Variants in CELF3 observed in about 807,000 individuals in gnomAD.
CELF3 encodes CUGBP Elav-like family member 3.
A neutral mutation model predicts 59.6 loss-of-function variants in CELF3; 26 were observed. That is an observed-to-expected ratio of 0.44 (90% CI 0.32 to 0.61). The LOEUF is 0.61. CELF3 is among the 20% of genes least tolerant of loss of function. The pLI is 0.06. For synonymous variants in CELF3, 245 were observed against 250.7 expected (o/e 0.98, Z 0.22); for missense variants, 387 against 627.2 (o/e 0.62, Z 4.09).
rs778068210 is a variant in CELF3, at chr1:151,709,714, G to A, written c.277+29C>T. On this transcript the variant is annotated intron_variant, in intron 3 of 12. Transcript: ENST00000290583. The surrounding 1 kb of genome is among the most constrained non-coding windows in gnomAD (Gnocchi z 4.9). ...CCCTGGGCCTGGGGGTGGGAGGAGA[G>A]GGACAGAGTCCAAAGGCACAGAACC... is the stretch of plus-strand genomic sequence containing the variant. 2 of 1,611,378 alleles carry A rather than the reference G, an allele frequency of 1.2e-6. No individual in the cohort carries two copies. Among genetic ancestry groups the A allele is most frequent in the Admixed American group, 1.7e-5 (1 of 60,014 alleles).
At chr1:151,715,596 T>C in intron 1 of CELF3, 1 of 1,421,556 alleles carries the variant, frequency 7.0e-7, no homozygotes, top group Non-Finnish European at 9.3e-7. Context: ...CTTTCTTGAG[T>C]TCATCCCATG....
intron 12 of CELF3, 146 bp downstream of exon 12, chr1:151,704,884 GC>G (rs1298491961): frequency 2.6e-6 from 2 of 765,982 alleles, no homozygotes; most frequent in South Asian, 2.1e-5. Context: ...AGCTGCCCCA[GC>G]CCCCTGCTTC....
At chr1:151,704,805 G>A (rs577317675) in intron 12 of CELF3, among the ~76,000 whole-genome samples, 5 of 139,306 alleles carry the variant, frequency 3.6e-5, no homozygotes, top group African/African-American at 1.4e-4. Flanking sequence ...TGGGGTCACG[G>A]AGGGTGTGTG....
chr1:151,704,293 G>C (rs1157536144), intron 12 of CELF3, among the ~76,000 whole-genome samples: 1 of 152,126 alleles, frequency 6.6e-6, no homozygotes, highest in Non-Finnish European at 1.5e-5. Flanking sequence ...GTTTTCTCAA[G>C]GGTTTGGTCC....
In CELF3 at chr1:151,705,199, A is replaced by G. The variant is rs1672410116; in HGVS notation, c.1271-31T>C. 1.3e-6 allele frequency: 2 copies of G among 1,596,990 alleles called. No homozygotes were observed. The highest frequency in any genetic ancestry group is 2.7e-5 in the African/African-American group (2 of 74,666). On this transcript the variant is annotated intron_variant, in intron 11 of 12. Coordinates refer to ENST00000290583, the MANE Select transcript of CELF3 (RefSeq NM_007185.7). The surrounding 1 kb of genome is among the most constrained non-coding windows in gnomAD (Gnocchi z 5.1). ...GTGAGAGGGGCATAAGGCCCGGCCC[A>G]GCCCCACCTCGCTCTTCCGTGCTTA...
chr1:151,714,832 C>G (rs1300588035), intron 1 of CELF3, among the ~76,000 whole-genome samples, 156 bp from the exon 2 acceptor site: 1 of 152,006 alleles, frequency 6.6e-6, no homozygotes, highest in Non-Finnish European at 1.5e-5. Context: ...GGGGTAGACT[C>G]TCTGCCCCAG....
At chr1:151,711,650 G>A (rs899573710) in intron 2 of CELF3, among the ~76,000 whole-genome samples, 24 of 152,212 alleles carry the variant, frequency 1.6e-4, no homozygotes, top group Non-Finnish European at 3.2e-4. Flanking sequence ...CAGGGTGCAT[G>A]GGCTTTCACC....
chr1:151,704,031 G>A (rs768816510), intron 12 of CELF3, among the ~76,000 whole-genome samples: 17 of 152,128 alleles, frequency 1.1e-4, no homozygotes, highest in Non-Finnish European at 2.2e-4. Context: ...AGCTGCCCCC[G>A]GCCCTGACCT....
rs966059814 is a variant in CELF3 at position 151,707,226 on chromosome 1, C to T, written c.841G>A (p.Gly281Ser). The stretch of plus-strand genomic sequence containing the variant: ...GGCTGGGTGGGCACCGGGCTGTAGC[C>T]GTTGACGCCCAGGGCAGCCGGAATG... ...SAIPAALGVN[G>S]YSPVPTQPTG... The change falls in exon 8 of 13, where the codon GGC becomes AGC. Residue 281 changes from glycine to serine, a missense_variant. Around this residue, in one of 3 missense-constraint regions of CELF3, gnomAD observed 131 missense variants for 153.7 expected, o/e 0.85. Coordinates refer to ENST00000290583, the MANE Select transcript of CELF3 (RefSeq NM_007185.7). 6.4e-6 allele frequency: 10 copies of T among 1,550,942 alleles called. No homozygotes were observed. In the African/African-American group the frequency reaches 8.3e-5, roughly 13 times the overall value.
In CELF3 at chr1:151,702,961, G is replaced by A. The variant is rs1432596828; in HGVS notation, c.*498C>T. 1.2e-5 allele frequency: 4 copies of A among 334,596 alleles called. No homozygotes were observed. Among genetic ancestry groups the A allele is most frequent in the Non-Finnish European group, 2.4e-5 (4 of 167,410 alleles). The allele number at this position is 334,596 out of a possible 1,614,324, so 20.7% of individuals were successfully genotyped here. On this transcript the variant is annotated 3_prime_UTR_variant, in exon 13 of 13. Coordinates refer to ENST00000290583, the MANE Select transcript of CELF3 (RefSeq NM_007185.7). Reference sequence around the variant, plus strand: ...TAGGGCTGGGAGCCCAGGAATCAGGGATATCCTACCTCTAGCTGAGGGTGG... The same window carrying A: ...TAGGGCTGGGAGCCCAGGAATCAGGAATATCCTACCTCTAGCTGAGGGTGG...
intron 2 of CELF3, among the ~76,000 whole-genome samples, chr1:151,712,622 C>G (rs989536856): frequency 1.3e-5 from 2 of 152,224 alleles, no homozygotes; most frequent in Admixed American, 1.3e-4. Context: ...ATTCAGGGAC[C>G]TGTGGCAGAG....
chr1:151,715,207 C>A (rs933250976), intron 1 of CELF3, among the ~76,000 whole-genome samples: 1 of 152,022 alleles, frequency 6.6e-6, no homozygotes, highest in Non-Finnish European at 1.5e-5. Context: ...GCTGGTGTGG[C>A]CCCTGGGATC....
chr1:151,713,983 CT>C (rs1558110846), intron 2 of CELF3, among the ~76,000 whole-genome samples: 1 of 152,202 alleles, frequency 6.6e-6, no homozygotes. Flanking sequence ...TCTACAATGT[CT>C]GTCCCTGCCC....
rs746815200 is a variant in CELF3, at chr1:151,715,985, C to T, written c.36G>A (p.Gly12=). Residue 12 remains glycine (G), a synonymous_variant, in exon 1 of 13, where the codon GGG becomes GGA. Transcript: ENST00000290583. ...TCTCCTCCAGATGCCTCGGGATCTG[C>T]CCCACAAACAGCTTGATGGCATCCG... is the stretch of plus-strand genomic sequence containing the variant. The part of the protein sequence containing the change: ...KEPDAIKLFV[G]QIPRHLEEKD... The T allele has an allele frequency of 3.5e-5, 57 of 1,613,866 alleles. No homozygotes were observed. Among genetic ancestry groups the T allele is most frequent in the Non-Finnish European group, 4.2e-5 (49 of 1,179,904 alleles).
In CELF3 at chr1:151,709,645, C is replaced by T; in HGVS notation, c.277+98G>A. Reference sequence around the variant, plus strand: ...GCAGCTGGGAACTCTTCAGAATCATCAGGCTTTCTCCCTCAAGAAAGGCTA... The same window carrying T: ...GCAGCTGGGAACTCTTCAGAATCATTAGGCTTTCTCCCTCAAGAAAGGCTA... On this transcript the variant is annotated intron_variant, in intron 3 of 12. Transcript: ENST00000290583. The surrounding 1 kb of genome is among the most constrained non-coding windows in gnomAD (Gnocchi z 4.9). 3 of 1,251,252 alleles carry T rather than the reference C, an allele frequency of 2.4e-6. No homozygotes were observed. Among genetic ancestry groups the T allele is most frequent in the Non-Finnish European group, 3.5e-6 (3 of 850,518 alleles). The allele number at this position is 1,251,252 out of a possible 1,614,324, so 77.5% of individuals were successfully genotyped here.
chr1:151,710,845 T>C (rs1439815131), intron 2 of CELF3: 1 of 456,276 alleles, frequency 2.2e-6, no homozygotes, highest in Non-Finnish European at 4.4e-6. Flanking sequence ...CTCCTGCAGG[T>C]TGATTTTCTT....
At chr1:151,713,266 G>A (rs1397219278) in intron 2 of CELF3, among the ~76,000 whole-genome samples, 1 of 152,144 alleles carries the variant, frequency 6.6e-6, no homozygotes, top group East Asian at 1.9e-4. Flanking sequence ...CCTCAAGAAG[G>A]GCAGGTGGTG....
chr1:151,711,665 T>C (rs1673032553), intron 2 of CELF3, among the ~76,000 whole-genome samples: 1 of 152,178 alleles, frequency 6.6e-6, no homozygotes, highest in South Asian at 2.1e-4. Flanking sequence ...TTCACCTCCT[T>C]CTCTCCTGTG....
rs772544246 is a variant in CELF3 at position 151,707,947 on chromosome 1, C to T, written c.487-12G>A. The T allele has an allele frequency of 5.5e-5, 89 of 1,606,506 alleles. No homozygotes were observed. The highest frequency in any genetic ancestry group is 7.2e-5 in the Non-Finnish European group (85 of 1,175,194). On this transcript the variant is annotated splice_polypyrimidine_tract_variant and intron_variant, in intron 5 of 12. Transcript: ENST00000290583. ...CTGGACGAGGCACCCTGGGCACGGG[C>T]CCACACACAGGTCAGAGGTGCAGGG...
Sources: allele counts gnomAD v4.1 joint callset (sites outside exome capture counted in the v4.1 genomes callset), GRCh38; gene constraint gnomAD v4.1.1; regional missense constraint gnomAD v4.1.1; non-coding constraint Gnocchi (gnomAD v3.1); transcripts MANE v1.5; gene names NCBI Gene and HGNC (gene_info 2026-07-23, HGNC 2026-07-21).